MAL: variants seen among roughly 807,000 people sequenced by gnomAD.
The protein encoded by MAL is mal, T cell differentiation protein (MAL blood group), also known as myelin and lymphocyte protein.
Under a neutral mutation model 16.7 loss-of-function variants are expected in MAL, and 5 were observed. That is an observed-to-expected ratio of 0.30 (90% CI 0.16 to 0.63). The LOEUF is 0.63. Among genes scored for constraint, MAL ranks in the 30% least tolerant of loss-of-function variants. The pLI is 0.82. For synonymous variants in MAL, 96 were observed against 85.5 expected, an observed-to-expected ratio of 1.12 and a Z score of -0.67; for missense variants, 202 against 195.8, an observed-to-expected ratio of 1.03 and a Z score of -0.19.
intron 1 of MAL, 128 bp downstream of exon 1, chr2:95,026,013 A>AG (rs1673926650): frequency 2.5e-6 from 2 of 802,002 alleles, no homozygotes; most frequent in Non-Finnish European, 2.0e-6. Flanking sequence ...CAGCAGGCGC[A>AG]GGGCGGGGAC....
chr2:95,041,183 C>G (rs916419632), intron 1 of MAL, among the ~76,000 whole-genome samples: 8 of 152,144 alleles, frequency 5.3e-5, no homozygotes, highest in Admixed American at 2.0e-4. Context: ...TTCTTTCAGC[C>G]ACAGGGAATG....
At chr2:95,041,263 G>C (rs1431614761) in intron 1 of MAL, among the ~76,000 whole-genome samples, 1 of 152,216 alleles carries the variant, frequency 6.6e-6, no homozygotes, top group African/African-American at 2.4e-5. Context: ...CAGGCCCGTT[G>C]TTGGAAGGAA....
intron 1 of MAL, among the ~76,000 whole-genome samples, chr2:95,037,524 GCA>G (rs1674262450): frequency 7.1e-6 from 1 of 140,724 alleles, no homozygotes; most frequent in East Asian, 2.2e-4. Flanking sequence ...GAGTGAGTGA[GCA>G]AGCGAGTGAG....
chr2:95,049,481 TG>T, intron 2 of MAL, 99 bp from the exon 3 acceptor site: 1 of 1,350,526 alleles, frequency 7.4e-7, no homozygotes, highest in Non-Finnish European at 9.8e-7. Flanking sequence ...TCAAAGGAAG[TG>T]GGGGGAGAGG....
Position 95,049,600 on chromosome 2 carries a change from C to T in MAL, c.281C>T (p.Thr94Ile). 1 of 1,614,256 alleles carries T rather than the reference C, an allele frequency of 6.2e-7. No individual in the cohort carries two copies. The highest frequency in any genetic ancestry group is 8.5e-7 in the Non-Finnish European group (1 of 1,180,044). ...WVTLDAAYHC[T>I]AALFYLSASV... ...CCATAGGACGCAGCCTACCACTGCA[C>T]CGCTGCCCTCTTTTACCTCAGCGCC... is the stretch of plus-strand genomic sequence containing the variant. Residue 94 changes from threonine to isoleucine, a missense_variant, in exon 3 of 4, where the codon ACC becomes ATC. By Grantham distance (89) the Thr-to-Ile change is moderately conservative (BLOSUM62 -1). Transcript: ENST00000309988.
intron 1 of MAL, among the ~76,000 whole-genome samples, chr2:95,045,986 T>A (rs553436761): frequency 1.7e-4 from 26 of 152,360 alleles, no homozygotes; most frequent in African/African-American, 5.0e-4. Context: ...TCAGGCAACC[T>A]AAGATCCATC....
intron 2 of MAL, 43 bp from the exon 3 acceptor site, chr2:95,049,538 G>A (rs1295988382): frequency 1.3e-5 from 21 of 1,609,784 alleles, no homozygotes; most frequent in Middle Eastern, 1.7e-4. Context: ...TCTGGGCCCC[G>A]TCTCTCTCTC....
At chr2:95,027,075 T>C (rs1406373980) in intron 1 of MAL, among the ~76,000 whole-genome samples, 1 of 152,112 alleles carries the variant, frequency 6.6e-6, no homozygotes, top group Non-Finnish European at 1.5e-5. Context: ...ATCCTAGGGA[T>C]AGGCGGAATC....
chr2:95,038,028 GTGAC>G (rs1374177455), intron 1 of MAL, among the ~76,000 whole-genome samples: 1 of 151,904 alleles, frequency 6.6e-6, no homozygotes, highest in Non-Finnish European at 1.5e-5. Flanking sequence ...GACTGTGTGA[GTGAC>G]TGAGTGAGTG....
chr2:95,053,666 C>G lies in MAL; in HGVS notation c.*211C>G. On this transcript the variant is annotated 3_prime_UTR_variant, in exon 4 of 4. Coordinates refer to ENST00000309988, the MANE Select transcript of MAL (RefSeq NM_002371.4). ...CCTTCGCGTCCGGGTTGGGAGCTTG[C>G]TGTGTCTAACCTCCAACTGCTGTGC... 1 of 576,624 alleles carries G rather than the reference C, an allele frequency of 1.7e-6. No individual in the cohort carries two copies. Among genetic ancestry groups the G allele is most frequent in the South Asian group, 2.2e-5 (1 of 45,650 alleles). The allele number at this position is 576,624 out of a possible 1,614,324, so 35.7% of individuals were successfully genotyped here. A position where few individuals can be genotyped will look rare whatever the true frequency, so the allele number is the denominator to read the frequency against.
intron 1 of MAL, among the ~76,000 whole-genome samples, chr2:95,041,278 G>A (rs1674458153): frequency 6.6e-6 from 1 of 152,144 alleles, no homozygotes; most frequent in Non-Finnish European, 1.5e-5. Flanking sequence ...AAGGAAGGCC[G>A]GCTCATATCT....
intron 2 of MAL, among the ~76,000 whole-genome samples, chr2:95,049,214 C>T (rs1674658254): frequency 6.6e-6 from 1 of 152,200 alleles, no homozygotes; most frequent in African/African-American, 2.4e-5. Context: ...GGTCCTCCCT[C>T]ACCCTGCACT....
At chr2:95,032,985 C>T (rs1246273758) in intron 1 of MAL, among the ~76,000 whole-genome samples, 2 of 152,240 alleles carry the variant, frequency 1.3e-5, no homozygotes, top group African/African-American at 4.8e-5. Context: ...AGCACCTCCG[C>T]AGCGGGAAGA....
Position 95,047,954 on chromosome 2 carries a change from C to A in MAL, c.94-5C>A. ...CCAAAACTCACCCCTCCTCCTCCCC[C>A]GCAGATCTTCGGGGGCCTGGTGTGG... On this transcript the variant is annotated splice_polypyrimidine_tract_variant and splice_region_variant and intron_variant, in intron 1 of 3. Transcript: ENST00000309988. 2.5e-6 allele frequency: 4 copies of A among 1,612,900 alleles called. No individual in the cohort carries two copies. The highest frequency in any genetic ancestry group is 3.4e-6 in the Non-Finnish European group (4 of 1,179,444).
In MAL at chr2:95,048,033, G is replaced by A. The variant is rs1473595621; in HGVS notation, c.168G>A (p.Met56Ile). 1.2e-6 allele frequency: 2 copies of A among 1,613,862 alleles called. No individual in the cohort carries two copies. Among genetic ancestry groups the A allele is most frequent in the Non-Finnish European group, 1.7e-6 (2 of 1,179,952 alleles). The change falls in exon 2 of 4, where the codon ATG (methionine) becomes ATA (isoleucine). Residue 56 changes from methionine to isoleucine, a missense_variant. Coordinates refer to ENST00000309988, the MANE Select transcript of MAL (RefSeq NM_002371.4). ...VPWPLVQGWVMFVSVFCFVAT... is the reference protein window; with the variant it reads ...VPWPLVQGWVIFVSVFCFVAT... Reference sequence around the variant, plus strand: ...GGCCCCTGGTCCAGGGCTGGGTGATGTTCGTGTCTGTGTTCTGCTTCGTGG... The same window carrying A: ...GGCCCCTGGTCCAGGGCTGGGTGATATTCGTGTCTGTGTTCTGCTTCGTGG...
chr2:95,050,786 C>T (rs889803627), intron 3 of MAL, among the ~76,000 whole-genome samples: 3 of 152,164 alleles, frequency 2.0e-5, no homozygotes, highest in African/African-American at 7.2e-5. Context: ...CCAGGGGTCC[C>T]GCGGTGTGGA....
At chr2:95,037,384 T>TGAG (rs1674252664) in intron 1 of MAL, among the ~76,000 whole-genome samples, 2 of 44,834 alleles carry the variant, frequency 4.5e-5, no homozygotes, top group Non-Finnish European at 9.5e-5. Flanking sequence ...GACTGAGTGA[T>TGAG]TGACTGAGTG....
At chr2:95,053,296 C>T (rs1285407416) in intron 3 of MAL, 85 bp from the exon 4 acceptor site, 16 of 926,886 alleles carry the variant, frequency 1.7e-5, no homozygotes, top group East Asian at 7.2e-5. Context: ...GCCCCCCCTA[C>T]GCCACGTGGG....
chr2:95,048,581 T>C (rs1323027381), intron 2 of MAL, among the ~76,000 whole-genome samples: 2 of 152,222 alleles, frequency 1.3e-5, no homozygotes, highest in Non-Finnish European at 2.9e-5. Context: ...CAAGCAGGGC[T>C]GCCAGAGAGC....
Sources: gnomAD v4.1 joint callset for allele counts (sites outside exome capture counted in the v4.1 genomes callset) on GRCh38, gnomAD v4.1.1 for gene constraint, MANE v1.5 for transcripts, NCBI Gene and HGNC (gene_info 2026-07-23, HGNC 2026-07-21) for gene names.